MOB2: variants seen among roughly 807,000 people sequenced by gnomAD.
MOB2 encodes the protein MOB2 Mps One Binder homolog.
A neutral mutation model predicts 27.4 loss-of-function variants in MOB2; 14 were observed. That is an observed-to-expected ratio of 0.51 (90% CI 0.34 to 0.80). MOB2 has a LOEUF of 0.80. Among genes scored for constraint, MOB2 ranks in the 30% least tolerant of loss-of-function variants. MOB2 has a pLI of 0.01. For missense variants in MOB2, 304 were observed against 354.6 expected (o/e 0.86, Z 1.15); for synonymous variants, 167 against 151.8 (o/e 1.10, Z -0.74).
rs189019572 is a variant in MOB2 at position 1,478,523 on chromosome 11, T to A, written c.365+1870A>T. Among the ~76,000 whole-genome samples the A allele has an allele frequency of 2.9e-3, 446 of 152,316 alleles. 5 individuals are homozygous for A. Among genetic ancestry groups the A allele is most frequent in the African/African-American group, 0.01 (428 of 41,564 alleles). On this transcript the variant is annotated intron_variant, in intron 3 of 4. Coordinates refer to ENST00000329957, the MANE Select transcript of MOB2 (RefSeq NM_001172223.3). ...TTCTGGCCTCCTGGGTTTCTAAAAG[T>A]GCCACGGTCATTCACTGCGGCATCT...
At chr11:1,480,237 C>T (rs887914349) in intron 3 of MOB2, among the ~76,000 whole-genome samples, 156 bp downstream of exon 3, 2 of 152,228 alleles carry the variant, frequency 1.3e-5, no homozygotes, top group Admixed American at 6.5e-5. Flanking sequence ...GTGGCCTTTC[C>T]ACAGGAAGGT....
chr11:1,480,284 G>A (rs1847895872), intron 3 of MOB2, 109 bp downstream of exon 3: 1 of 1,001,392 alleles, frequency 1.0e-6, no homozygotes, highest in Admixed American at 2.3e-5. Flanking sequence ...ACTTCTCAGG[G>A]TCTCCAGGTG....
Position 1,470,410 on chromosome 11 carries a change from T to A in MOB2, c.569A>T (p.Tyr190Phe), listed in dbSNP as rs1202942087. 2 of 1,613,574 alleles carry A rather than the reference T, an allele frequency of 1.2e-6. No homozygotes were observed. Among genetic ancestry groups the A allele is most frequent in the Non-Finnish European group, 1.7e-6 (2 of 1,179,882 alleles). ...RHLFHVLAHIYWAHFKETLAL... is the reference protein window; with the variant it reads ...RHLFHVLAHIFWAHFKETLAL... ...CAGCGTCTCCTTGAAGTGGGCCCAG[T>A]AGATGTGTGCCAGCACGTGGAACAG... Residue 190 changes from tyrosine to phenylalanine, a missense_variant, in exon 5 of 5, where the codon TAC (tyrosine) becomes TTC (phenylalanine). By Grantham distance (22) the Tyr-to-Phe change is conservative (BLOSUM62 3). Coordinates refer to ENST00000329957, the MANE Select transcript of MOB2 (RefSeq NM_001172223.3).
chr11:1,486,582 G>C lies in MOB2; in HGVS notation c.-26C>G. 6.7e-7 allele frequency: 1 copy of C among 1,488,382 alleles called. No homozygotes were observed. Among genetic ancestry groups the C allele is most frequent in the Non-Finnish European group, 9.1e-7 (1 of 1,104,106 alleles). The allele number at this position is 1,488,382 out of a possible 1,614,324, so 92.2% of individuals were successfully genotyped here. A position where few individuals can be genotyped will look rare whatever the true frequency, so the allele number is the denominator to read the frequency against. On this transcript the variant is annotated 5_prime_UTR_variant, in exon 1 of 5. Transcript: ENST00000329957. Reference sequence around the variant, plus strand: ...GAGTGGGCGACGGGAAGGTGGGGAGGAGAAGCGGGGCGGGGTGCCGGCTGG... The same window carrying C: ...GAGTGGGCGACGGGAAGGTGGGGAGCAGAAGCGGGGCGGGGTGCCGGCTGG...
At position 1,486,517 on chromosome 11, in the gene MOB2, G is replaced by A. The variant is rs781194794; in HGVS notation, c.40C>T (p.Arg14Trp). Residue 14 changes from arginine (R) to tryptophan (W), a missense_variant, in exon 1 of 5, where the codon CGG (arginine) becomes TGG (tryptophan). Arg to Trp is a moderately radical substitution (Grantham distance 101). Coordinates refer to ENST00000329957, the MANE Select transcript of MOB2 (RefSeq NM_001172223.3). ...CCACTTTGCAGGGACTGGCCGGGCCGGGCTTGGTCTTCAGGGAGACTGCAG... is the reference window on the plus strand; with the variant it reads ...CCACTTTGCAGGGACTGGCCGGGCCAGGCTTGGTCTTCAGGGAGACTGCAG... ...DHCSLPEDQA[R>W]PGQSLQSGLC... The A allele has an allele frequency of 5.2e-6, 8 of 1,535,814 alleles. No individual in the cohort carries two copies. Among genetic ancestry groups the A allele is most frequent in the Admixed American group, 3.9e-5 (2 of 51,008 alleles).
chr11:1,479,475 C>T (rs1847886338), intron 3 of MOB2, among the ~76,000 whole-genome samples: 1 of 152,240 alleles, frequency 6.6e-6, no homozygotes, highest in African/African-American at 2.4e-5. Flanking sequence ...CTGTACCTGC[C>T]CCGGTGTCAC....
intron 3 of MOB2, among the ~76,000 whole-genome samples, chr11:1,473,923 GGGCCCCTCTTGCACGGA>G (rs1847825339): frequency 6.6e-6 from 1 of 152,120 alleles, no homozygotes; most frequent in African/African-American, 2.4e-5. Flanking sequence ...CTCCCGATCT[GGGCCCCTCTTGCACGGA>G]GGCCCCTGGG....
rs770040316 is a variant in MOB2 at position 1,470,369 on chromosome 11, C to A, written c.610G>T (p.Gly204Ter). The A allele has an allele frequency of 6.2e-7, 1 of 1,613,650 alleles. No homozygotes were observed. The highest frequency in any genetic ancestry group is 8.5e-7 in the Non-Finnish European group (1 of 1,179,894). ...FKETLALELHGHLNTLYVHFI... is the reference protein window; with the variant it reads ...FKETLALELH ...TGGACGTAGAGCGTGTTCAAGTGTC[C>A]GTGCAGCTCCAGGGCCAGCGTCTCC... is the stretch of plus-strand genomic sequence containing the variant. The change falls in exon 5 of 5, where the codon GGA becomes TGA. Residue 204 changes from glycine (G) to a stop codon, truncating the protein, a stop_gained. Transcript: ENST00000329957. LOFTEE classifies it high-confidence loss of function.
Position 1,486,764 on chromosome 11 carries a change from A to T in MOB2, c.-208T>A. On this transcript the variant is annotated 5_prime_UTR_variant, in exon 1 of 5. The change abolishes an upstream ATG in the 5' untranslated region. Coordinates refer to ENST00000329957, the MANE Select transcript of MOB2 (RefSeq NM_001172223.3). Reference sequence around the variant, plus strand: ...TCTGAATTGGCCTTTTCCAAGTGGCATGGCTGCCAGAAGAGGCGGTGGGGG... The same window carrying T: ...TCTGAATTGGCCTTTTCCAAGTGGCTTGGCTGCCAGAAGAGGCGGTGGGGG... 6.4e-5 allele frequency: 28 copies of T among 436,424 alleles called. No homozygotes were observed. Among genetic ancestry groups the T allele is most frequent in the East Asian group, 1.9e-4 (4 of 21,522 alleles). The allele number at this position is 436,424 out of a possible 1,614,324, so 27.0% of individuals were successfully genotyped here. A position where few individuals can be genotyped will look rare whatever the true frequency, so the allele number is the denominator to read the frequency against.
intron 3 of MOB2, chr11:1,471,626 C>T (rs1282518040): frequency 9.0e-6 from 5 of 553,092 alleles, no homozygotes; most frequent in East Asian, 3.1e-5. Context: ...GGTCTGCCTG[C>T]GCTGACTTAG....
At chr11:1,480,527 A>C (rs1363042453) in intron 2 of MOB2, 41 bp from the exon 3 acceptor site, 3 of 1,602,720 alleles carry the variant, frequency 1.9e-6, no homozygotes, top group Admixed American at 1.7e-5. Context: ...AAAACGCCAG[A>C]GCTGAGCCGC....
At chr11:1,476,191 T>C (rs1847850794) in intron 3 of MOB2, among the ~76,000 whole-genome samples, 1 of 152,250 alleles carries the variant, frequency 6.6e-6, no homozygotes, top group African/African-American at 2.4e-5. Context: ...TTAACTATTT[T>C]CAGACCATAG....
At chr11:1,477,787 G>A (rs750012356) in intron 3 of MOB2, among the ~76,000 whole-genome samples, 3 of 152,162 alleles carry the variant, frequency 2.0e-5, no homozygotes, top group Non-Finnish European at 4.4e-5. Flanking sequence ...ACAGCATCCC[G>A]AATGAAATAC....
At chr11:1,486,234 C>T (rs1289869960) in intron 1 of MOB2, among the ~76,000 whole-genome samples, 1 of 152,274 alleles carries the variant, frequency 6.6e-6, no homozygotes, top group Admixed American at 6.5e-5. Flanking sequence ...CCAGAGCAAA[C>T]CCGCCAGGCT....
chr11:1,480,227 G>C (rs1847895293), intron 3 of MOB2, among the ~76,000 whole-genome samples, 166 bp downstream of exon 3: 1 of 152,232 alleles, frequency 6.6e-6, no homozygotes, highest in Admixed American at 6.5e-5. Context: ...GGCCCAGCCT[G>C]TGGCCTTTCC....
chr11:1,471,950 C>G (rs534797757), intron 3 of MOB2: 48 of 153,192 alleles, frequency 3.1e-4, no homozygotes, highest in Non-Finnish European at 6.1e-4. Flanking sequence ...CTGCGGCTAA[C>G]AGCCTGGCCA....
chr11:1,474,172 T>C (rs2133360107), intron 3 of MOB2, among the ~76,000 whole-genome samples: 1 of 152,336 alleles, frequency 6.6e-6, no homozygotes, highest in East Asian at 1.9e-4. Context: ...CTCTAATTGC[T>C]AACAACACAG....
In MOB2 at chr11:1,469,990, G is replaced by C. The variant is rs897243761; in HGVS notation, c.*182C>G. Reference sequence around the variant, plus strand: ...AAACGGCACGCATCCATCCGACAGGGGGCCACAGGACACGGCCGGGGCCGT... The same window carrying C: ...AAACGGCACGCATCCATCCGACAGGCGGCCACAGGACACGGCCGGGGCCGT... On this transcript the variant is annotated 3_prime_UTR_variant, in exon 5 of 5. Coordinates refer to ENST00000329957, the MANE Select transcript of MOB2 (RefSeq NM_001172223.3). 21 of 1,477,260 alleles carry C rather than the reference G, an allele frequency of 1.4e-5. No individual in the cohort carries two copies. Among genetic ancestry groups the C allele is most frequent in the Middle Eastern group, 3.4e-4 (2 of 5,926 alleles). The allele number at this position is 1,477,260 out of a possible 1,614,324, so 91.5% of individuals were successfully genotyped here. A position where few individuals can be genotyped will look rare whatever the true frequency, so the allele number is the denominator to read the frequency against.
At chr11:1,484,427 C>A (rs1847948927) in intron 1 of MOB2, among the ~76,000 whole-genome samples, 1 of 152,136 alleles carries the variant, frequency 6.6e-6, no homozygotes, top group African/African-American at 2.4e-5. Flanking sequence ...CCCTCATGCT[C>A]CTTGGTTCGG....
Sources: gnomAD v4.1 joint callset for allele counts (sites outside exome capture counted in the v4.1 genomes callset) on GRCh38, gnomAD v4.1.1 for gene constraint, MANE v1.5 for transcripts, NCBI Gene and HGNC (gene_info 2026-07-23, HGNC 2026-07-21) for gene names.